The following AGBL4 variants were observed in gnomAD, a reference collection of about 807,000 sequenced individuals.
AGBL4 encodes the protein AGBL carboxypeptidase 4.
In AGBL4, 58 loss-of-function variants were observed where a neutral mutation model predicts 66.4. The ratio of observed to expected loss-of-function variants is 0.87; its 90% CI spans 0.71 to 1.09. AGBL4 has a LOEUF of 1.09. Ranked by LOEUF, AGBL4 falls within the 50% of genes least tolerant of loss-of-function variation. AGBL4 has a pLI of 0.00. For synonymous variants in AGBL4, 234 were observed against 222.9 expected, an observed-to-expected ratio of 1.05 and a Z score of -0.44; for missense variants, 579 against 631.0, an observed-to-expected ratio of 0.92 and a Z score of 0.88.
intron 4 of AGBL4, among the ~76,000 whole-genome samples, chr1:49,236,313 C>A (rs1650739079): frequency 1.3e-5 from 2 of 152,076 alleles, no homozygotes; most frequent in Admixed American, 1.3e-4. Flanking sequence ...TAGGTGTGAG[C>A]CACCACACCC....
intron 1 of AGBL4, among the ~76,000 whole-genome samples, chr1:49,926,536 C>G (rs1355089614): frequency 1.3e-5 from 2 of 152,164 alleles, no homozygotes; most frequent in African/African-American, 4.8e-5. Context: ...AGGACCTCAT[C>G]AAATGAAAGT....
chr1:49,835,517 CTT>C (rs1328992800), intron 2 of AGBL4, among the ~76,000 whole-genome samples: 3 of 152,110 alleles, frequency 2.0e-5, no homozygotes, highest in Admixed American at 1.3e-4. Context: ...GGTGTTGACT[CTT>C]TATCCAACTT....
At chr1:49,717,650 T>C (rs1365174873) in intron 2 of AGBL4, among the ~76,000 whole-genome samples, 1 of 152,088 alleles carries the variant, frequency 6.6e-6, no homozygotes, top group African/African-American at 2.4e-5. Context: ...TTATTTACTA[T>C]GACTATTGTT....
intron 2 of AGBL4, among the ~76,000 whole-genome samples, chr1:49,751,821 A>G (rs1571485245): frequency 2.0e-5 from 3 of 152,184 alleles, no homozygotes; most frequent in African/African-American, 7.2e-5. Context: ...GTATGTGTCC[A>G]GGAATTTATC....
At chr1:49,290,826 C>T (rs1325405578) in intron 3 of AGBL4, among the ~76,000 whole-genome samples, 3 of 152,050 alleles carry the variant, frequency 2.0e-5, no homozygotes, top group Non-Finnish European at 2.9e-5. Flanking sequence ...AGTGAGACCT[C>T]GTTTTTACAA....
chr1:49,093,118 T>C (rs1050878292), intron 4 of AGBL4, among the ~76,000 whole-genome samples: 9 of 152,112 alleles, frequency 5.9e-5, no homozygotes, highest in African/African-American at 1.4e-4. Context: ...AGGGCTGCTC[T>C]TCAGAGAAGC....
In AGBL4 at chr1:48,552,004, C is replaced by T. The variant is rs149058789; in HGVS notation, c.1268-12266G>A. On this transcript the variant is annotated intron_variant, in intron 11 of 13. Transcript: ENST00000371839. ...ATAACCTTGGTGGGTATTTGGACTT[C>T]AGACCACATTAGGCAGGTTGCTGTT... 6.2e-3 allele frequency among the ~76,000 whole-genome samples: 949 copies of T among 152,280 alleles called. 11 individuals carry two copies. Among genetic ancestry groups the T allele is most frequent in the African/African-American group, 0.022 (905 of 41,558 alleles).
At chr1:49,016,960 G>A (rs1662869591) in intron 5 of AGBL4, among the ~76,000 whole-genome samples, 1 of 152,166 alleles carries the variant, frequency 6.6e-6, no homozygotes, top group African/African-American at 2.4e-5. Flanking sequence ...GGTATGACTG[G>A]GAATGGTGTC....
intron 4 of AGBL4, among the ~76,000 whole-genome samples, chr1:49,212,092 T>C (rs1648716378): frequency 6.6e-6 from 1 of 152,132 alleles, no homozygotes; most frequent in African/African-American, 2.4e-5. Flanking sequence ...TAGTGAGTGA[T>C]GTAGTCTGGA....
chr1:49,829,183 T>A (rs1645591145), intron 2 of AGBL4, among the ~76,000 whole-genome samples: 1 of 152,058 alleles, frequency 6.6e-6, no homozygotes, highest in African/African-American at 2.4e-5. Flanking sequence ...TTAAGCACAA[T>A]AATAATTCTT....
chr1:49,381,655 A>C (rs572568881), intron 3 of AGBL4, among the ~76,000 whole-genome samples: 2 of 152,142 alleles, frequency 1.3e-5, no homozygotes, highest in African/African-American at 2.4e-5. Flanking sequence ...ACCATGGAAT[A>C]CTATGCAGCC....
At chr1:48,996,586 C>A (rs1448164694) in intron 5 of AGBL4, among the ~76,000 whole-genome samples, 2 of 152,034 alleles carry the variant, frequency 1.3e-5, no homozygotes, top group Non-Finnish European at 2.9e-5. Context: ...AACATGAAAA[C>A]AGGGAAATGA....
chr1:49,831,435 T>C (rs1001273335), intron 2 of AGBL4, among the ~76,000 whole-genome samples: 2 of 152,292 alleles, frequency 1.3e-5, no homozygotes, highest in Admixed American at 6.5e-5. Context: ...ATAGGAACAC[T>C]TGTGATTTTT....
chr1:49,625,325 A>G (rs1645444605), intron 3 of AGBL4, among the ~76,000 whole-genome samples: 1 of 152,176 alleles, frequency 6.6e-6, no homozygotes, highest in African/African-American at 2.4e-5. Context: ...CACTTATTAA[A>G]TGTTACCATT....
At chr1:48,938,468 T>C (rs1655667213) in intron 5 of AGBL4, among the ~76,000 whole-genome samples, 1 of 152,176 alleles carries the variant, frequency 6.6e-6, no homozygotes, top group East Asian at 1.9e-4. Context: ...CTACTTTCTT[T>C]AGAAGGAGTA....
intron 1 of AGBL4, among the ~76,000 whole-genome samples, chr1:49,895,196 T>TAA (rs758153230): frequency 1.3e-4 from 17 of 131,364 alleles, no homozygotes; most frequent in Admixed American, 2.3e-4. Context: ...TTTCCCAGTT[T>TAA]AAAAAAAAAA....
At chr1:49,941,315 C>T (rs1217328400) in intron 1 of AGBL4, among the ~76,000 whole-genome samples, 1 of 152,096 alleles carries the variant, frequency 6.6e-6, no homozygotes, top group Non-Finnish European at 1.5e-5. Context: ...GAGAGCACTT[C>T]CAAACTCATT....
chr1:49,688,095 T>C (rs1646819934), intron 3 of AGBL4, among the ~76,000 whole-genome samples: 1 of 152,218 alleles, frequency 6.6e-6, no homozygotes. Context: ...ATTAGTTGTT[T>C]TAAATGTACA....
intron 2 of AGBL4, among the ~76,000 whole-genome samples, chr1:49,814,428 T>C (rs1282588955): frequency 3.3e-5 from 5 of 152,030 alleles, no homozygotes; most frequent in Non-Finnish European, 7.4e-5. Context: ...CACTATGAGC[T>C]CCCTGAGAGA....
Sources: allele counts gnomAD v4.1 joint callset (sites outside exome capture counted in the v4.1 genomes callset), GRCh38; gene constraint gnomAD v4.1.1; transcripts MANE v1.5; gene names NCBI Gene and HGNC (gene_info 2026-07-23, HGNC 2026-07-21).